Variants in CDH26 observed in about 807,000 individuals in gnomAD.
CDH26 encodes the protein cadherin 26.
CDH26 carries 83 observed loss-of-function variants against 90.3 expected under a neutral mutation model. The observed-to-expected ratio is 0.92, with a 90% CI of 0.77 to 1.10. The LOEUF (loss-of-function observed/expected upper bound fraction) is 1.10. CDH26 is among the 50% of genes least tolerant of loss of function. The pLI is 0.00. For synonymous variants in CDH26, 397 were observed against 396.3 expected (o/e 1.00, Z -0.02); for missense variants, 1,013 against 1,037.6 (o/e 0.98, Z 0.33).
chr20:59,985,072 C>T lies in CDH26; in HGVS notation c.780C>T (p.Thr260=), dbSNP rs748975319. The part of the protein sequence containing the change: ...CGEPSLSSTT[T]VHVDVQEGNN... ...AACCGTCACTGTCATCCACGACCACCGTTCACGTGGATGTGCAAGAAGGCA... is the reference window on the plus strand; with the variant it reads ...AACCGTCACTGTCATCCACGACCACTGTTCACGTGGATGTGCAAGAAGGCA... Residue 260 remains threonine, a synonymous_variant, in exon 7 of 18, where the codon ACC becomes ACT. Transcript: ENST00000348616. 72 of 1,613,882 alleles carry T rather than the reference C, an allele frequency of 4.5e-5. No individual in the cohort carries two copies. Among genetic ancestry groups the T allele is most frequent in the Non-Finnish European group, 5.8e-5 (68 of 1,179,950 alleles).
At chr20:60,012,349 G>A (rs2061856068) in intron 17 of CDH26, among the ~76,000 whole-genome samples, 178 bp from the exon 18 acceptor site, 1 of 152,134 alleles carries the variant, frequency 6.6e-6, no homozygotes, top group African/African-American at 2.4e-5. Flanking sequence ...AAGGTGGGAT[G>A]TCTCCCCTCA....
downstream of CDH26, among the ~76,000 whole-genome samples, chr20:60,019,020 G>T (rs1371408952): frequency 1.3e-5 from 2 of 152,002 alleles, no homozygotes; most frequent in Non-Finnish European, 2.9e-5. Context: ...TTTGTTTACA[G>T]TACTTCGAAT....
At chr20:59,987,421 C>T (rs2061472358) in intron 7 of CDH26, 32 bp from the exon 8 acceptor site, 1 of 1,565,134 alleles carries the variant, frequency 6.4e-7, no homozygotes, top group Non-Finnish European at 8.7e-7. Context: ...TTTTTGTTTC[C>T]ATGACATGGA....
At chr20:60,029,428 C>CGTAGCACCT (rs1466907511) in intron 7 of CDH26, among the ~76,000 whole-genome samples, 1 of 152,084 alleles carries the variant, frequency 6.6e-6, no homozygotes, top group Admixed American at 6.6e-5. Flanking sequence ...TAGTCAACAA[C>CGTAGCACCT]ATAGCACCTA....
rs2061859915 is a variant in CDH26 at position 60,012,549 on chromosome 20, T to C, written c.2318T>C (p.Leu773Pro). 3 of 1,613,814 alleles carry C rather than the reference T, an allele frequency of 1.9e-6. No homozygotes were observed. Among genetic ancestry groups the C allele is most frequent in the Admixed American group, 1.7e-5 (1 of 59,980 alleles). The change falls in exon 18 of 18, where the codon CTG becomes CCG. Residue 773 changes from leucine to proline, a missense_variant. Physicochemically the swap from Leu to Pro is moderately conservative, Grantham distance 98. Transcript: ENST00000348616. ...LNQKLHVANV[L>P]EDDPGYLPHV... is the part of the protein sequence containing the mutation. Reference sequence around the variant, plus strand: ...CAGAAACTCCATGTTGCCAATGTGCTGGAAGATGACCCCGGCTACCTACCT... The same window carrying C: ...CAGAAACTCCATGTTGCCAATGTGCCGGAAGATGACCCCGGCTACCTACCT...
chr20:59,982,937 T>A lies in CDH26; in HGVS notation c.408T>A (p.Val136=). The change falls in exon 5 of 18, where the codon GTT becomes GTA. Residue 136 remains valine (V), a synonymous_variant. Transcript: ENST00000348616. ...MTPSFTVYFD[V]VERSTGKIVD... Reference sequence around the variant, plus strand: ...CTGCTTCCTAGGTTTATTTTGATGTTGTGGAGCGCTCAACAGGAAAAATTG... The same window carrying A: ...CTGCTTCCTAGGTTTATTTTGATGTAGTGGAGCGCTCAACAGGAAAAATTG... 1 of 1,614,000 alleles carries A rather than the reference T, an allele frequency of 6.2e-7. No homozygotes were observed. Among genetic ancestry groups the A allele is most frequent in the Non-Finnish European group, 8.5e-7 (1 of 1,179,958 alleles).
chr20:59,966,687 T>C (rs750147638), intron 1 of CDH26, among the ~76,000 whole-genome samples: 10 of 152,306 alleles, frequency 6.6e-5, no homozygotes, highest in Non-Finnish European at 1.3e-4. Context: ...AGGCAAACAA[T>C]GCCTTAGTGT....
intron 14 of CDH26, among the ~76,000 whole-genome samples, chr20:60,000,426 G>A (rs74444682): frequency 0.033 from 5,003 of 152,186 alleles, 158 homozygotes; most frequent in African/African-American, 0.075. Flanking sequence ...GGCTGGGTTC[G>A]CCGTGCATTC....
chr20:59,992,290 T>C lies in CDH26; in HGVS notation c.1284-88T>C, dbSNP rs1601156063. ...ACTTGTGGTAGAAATAGTGTTTCTA[T>C]GACATATTTTGTTTTTTTATGCAAC... On this transcript the variant is annotated intron_variant, in intron 9 of 17. Transcript: ENST00000348616. The surrounding 1 kb of genome is among the most constrained non-coding windows in gnomAD (Gnocchi z 5.0). 1 of 1,202,168 alleles carries C rather than the reference T, an allele frequency of 8.3e-7. No homozygotes were observed. Among genetic ancestry groups the C allele is most frequent in the East Asian group, 2.5e-5 (1 of 39,372 alleles). 74.5% of individuals were successfully genotyped at this position (1,202,168 alleles called of 1,614,324 possible). A position where few individuals can be genotyped will look rare whatever the true frequency, so the allele number is the denominator to read the frequency against.
At chr20:59,997,030 G>T (rs2061607085) in intron 13 of CDH26, among the ~76,000 whole-genome samples, 1 of 152,198 alleles carries the variant, frequency 6.6e-6, no homozygotes, top group Non-Finnish European at 1.5e-5. Context: ...TCACAGTTAG[G>T]AGTGCTACTG....
intron 15 of CDH26, 91 bp downstream of exon 15, chr20:60,001,502 G>A (rs544613305): frequency 3.9e-5 from 60 of 1,525,396 alleles, no homozygotes; most frequent in Non-Finnish European, 5.2e-5. Context: ...AGAAGATTCG[G>A]TGATACTGTC....
intron 16 of CDH26, among the ~76,000 whole-genome samples, chr20:60,004,370 C>G (rs2061714604): frequency 6.6e-6 from 1 of 152,132 alleles, no homozygotes; most frequent in African/African-American, 2.4e-5. Flanking sequence ...TACTACACAC[C>G]TAGACCTCTT....
chr20:60,015,004 A>G (rs527414184), downstream of CDH26, among the ~76,000 whole-genome samples: 16 of 152,294 alleles, frequency 1.1e-4, no homozygotes, highest in East Asian at 3.1e-3. Flanking sequence ...TTTGTTTGAG[A>G]CAAAGTCTCA....
chr20:59,970,391 T>A (rs999929547), intron 3 of CDH26, among the ~76,000 whole-genome samples: 46 of 152,042 alleles, frequency 3.0e-4, no homozygotes, highest in Admixed American at 2.0e-3. Flanking sequence ...TTTGAACGAG[T>A]CACTTCTCCA....
chr20:59,972,365 C>T (rs558800057), intron 4 of CDH26, among the ~76,000 whole-genome samples: 3 of 152,226 alleles, frequency 2.0e-5, no homozygotes, highest in Admixed American at 2.0e-4. Flanking sequence ...TTCTAATGAC[C>T]AGTGTCCTAG....
At chr20:59,998,035 T>A (rs943233449) in intron 13 of CDH26, among the ~76,000 whole-genome samples, 1 of 152,200 alleles carries the variant, frequency 6.6e-6, no homozygotes, top group Non-Finnish European at 1.5e-5. Context: ...ACTCTCCAGA[T>A]TGTGAAGTCC....
At chr20:59,959,009 G>A (rs1224012827) in intron 1 of CDH26, among the ~76,000 whole-genome samples, 1 of 152,224 alleles carries the variant, frequency 6.6e-6, no homozygotes, top group Non-Finnish European at 1.5e-5. Context: ...GCAACAGTGG[G>A]AGCAGGCTAA....
At chr20:59,965,316 G>C (rs1291180956) in intron 1 of CDH26, among the ~76,000 whole-genome samples, 3 of 152,160 alleles carry the variant, frequency 2.0e-5, no homozygotes, top group Non-Finnish European at 2.9e-5. Flanking sequence ...TGGAGGCTCT[G>C]TCCCTGGTGA....
intron 1 of CDH26, among the ~76,000 whole-genome samples, chr20:59,964,558 T>C (rs1447718278): frequency 1.3e-5 from 2 of 152,000 alleles, no homozygotes; most frequent in African/African-American, 4.8e-5. Flanking sequence ...ATGAGAGCAC[T>C]TACAAAATCA....
Sources: gnomAD v4.1 joint callset for allele counts (sites outside exome capture counted in the v4.1 genomes callset) on GRCh38, gnomAD v4.1.1 for gene constraint, Gnocchi (gnomAD v3.1) non-coding constraint, MANE v1.5 for transcripts, NCBI Gene and HGNC (gene_info 2026-07-23, HGNC 2026-07-21) for gene names.